UBR4: variants seen among roughly 807,000 people sequenced by gnomAD.
UBR4 encodes ubiquitin protein ligase E3 component n-recognin 4.
Under a neutral mutation model 575.6 loss-of-function variants are expected in UBR4, and 124 were observed. That is an observed-to-expected ratio of 0.22 (90% confidence interval 0.19 to 0.25). UBR4 has a LOEUF of 0.25. Among genes scored for constraint, UBR4 ranks in the 10% least tolerant of loss-of-function variants. The probability of loss-of-function intolerance (pLI) is 1.00; values close to 1 mark genes in which losing one functional copy is unlikely to be tolerated. For missense variants in UBR4, 4,818 were observed against 6,478.8 expected, an observed-to-expected ratio of 0.74 and a Z score of 8.80; for synonymous variants, 2,455 against 2,473.7, an observed-to-expected ratio of 0.99 and a Z score of 0.22.
intron 90 of UBR4, among the ~76,000 whole-genome samples, chr1:19,098,131 T>C (rs1215536661): frequency 1.3e-5 from 2 of 152,216 alleles, no homozygotes; most frequent in Non-Finnish European, 2.9e-5. Flanking sequence ...TATGCTGAGC[T>C]TCAGGACAGG....
At chr1:19,084,864 G>C (rs1443080737) in intron 101 of UBR4, among the ~76,000 whole-genome samples, 166 bp from the exon 102 acceptor site, 2 of 152,238 alleles carry the variant, frequency 1.3e-5, no homozygotes, top group African/African-American at 4.8e-5. Flanking sequence ...GGGCCAGCAG[G>C]ACGACAAGGC....
chr1:19,118,738 T>C, intron 71 of UBR4, 134 bp downstream of exon 71: 1 of 810,246 alleles, frequency 1.2e-6, no homozygotes, highest in Non-Finnish European at 2.0e-6. Flanking sequence ...TGGAGGGGAT[T>C]GGAATCTCAA....
intron 97 of UBR4, 57 bp downstream of exon 97, chr1:19,092,762 C>G: frequency 7.8e-6 from 11 of 1,412,618 alleles, no homozygotes; most frequent in Non-Finnish European, 1.1e-5. Flanking sequence ...TCAAGGTAAA[C>G]TAGGGTAGTT....
At chr1:19,168,318 G>C (rs2088862939) in intron 27 of UBR4, 134 bp from the exon 28 acceptor site, 1 of 766,166 alleles carries the variant, frequency 1.3e-6, no homozygotes, top group Admixed American at 3.9e-5. Flanking sequence ...AGTATACACT[G>C]TTATTCATGC....
chr1:19,102,413 T>G (rs997559783), intron 87 of UBR4, among the ~76,000 whole-genome samples: 17 of 150,102 alleles, frequency 1.1e-4, no homozygotes, highest in African/African-American at 4.2e-4. Context: ...GAATTAAAAT[T>G]AAAAAAAAAG....
At chr1:19,192,663 A>G in intron 9 of UBR4, 123 bp from the exon 10 acceptor site, 1 of 1,033,338 alleles carries the variant, frequency 9.7e-7, no homozygotes, top group Non-Finnish European at 1.5e-6. Flanking sequence ...GATACATTCC[A>G]TCGTACTTTC....
In UBR4 at chr1:19,139,261, C is replaced by G. The variant is rs1395696945; in HGVS notation, c.8594-41G>C. 1 of 1,534,604 alleles carries G rather than the reference C, an allele frequency of 6.5e-7. No homozygotes were observed. Among genetic ancestry groups the G allele is most frequent in the South Asian group, 1.3e-5 (1 of 79,828 alleles). Reference sequence around the variant, plus strand: ...GAGCTGTTACAGGTTAAAAAACAAACAAACAAACAAACAAACAAAAAACAA... The same window carrying G: ...GAGCTGTTACAGGTTAAAAAACAAAGAAACAAACAAACAAACAAAAAACAA... On this transcript the variant is annotated intron_variant, in intron 58 of 105. Coordinates refer to ENST00000375254, the MANE Select transcript of UBR4 (RefSeq NM_020765.3). The surrounding 1 kb of genome is among the most constrained non-coding windows in gnomAD (Gnocchi z 4.2).
At chr1:19,107,104 T>C (rs1239633571) in intron 81 of UBR4, 138 bp from the exon 82 acceptor site, 2 of 1,249,784 alleles carry the variant, frequency 1.6e-6, no homozygotes, top group Non-Finnish European at 2.2e-6. Flanking sequence ...GTATCTCTTA[T>C]GCCCAAATAT....
At chr1:19,129,152 C>T in intron 60 of UBR4, 78 bp from the exon 61 acceptor site, 1 of 1,222,848 alleles carries the variant, frequency 8.2e-7, no homozygotes, top group Non-Finnish European at 1.2e-6. Context: ...CCTCCCCAAC[C>T]CCACCCTGCT....
intron 27 of UBR4, 117 bp from the exon 28 acceptor site, chr1:19,168,301 T>C: frequency 2.0e-6 from 2 of 1,000,738 alleles, no homozygotes; most frequent in Non-Finnish European, 2.8e-6. Context: ...AACAATAGCC[T>C]CTACTCAGTA....
At chr1:19,208,897 C>G (rs1241711091) in intron 1 of UBR4, among the ~76,000 whole-genome samples, 3 of 152,146 alleles carry the variant, frequency 2.0e-5, no homozygotes, top group African/African-American at 7.2e-5. Flanking sequence ...CAAAAAGCAG[C>G]CACGTAATTT....
chr1:19,133,385 A>G (rs1370131528), intron 60 of UBR4, among the ~76,000 whole-genome samples: 1 of 152,188 alleles, frequency 6.6e-6, no homozygotes, highest in Admixed American at 6.5e-5. Flanking sequence ...ACTAGGAACA[A>G]AATCTCCTTA....
intron 49 of UBR4, chr1:19,149,671 A>C (rs2085373922): frequency 7.9e-6 from 9 of 1,140,170 alleles, no homozygotes; most frequent in Non-Finnish European, 1.0e-5. Context: ...ACTCTTCAAC[A>C]GAAGCAGAAT....
At chr1:19,081,251 A>G in intron 103 of UBR4, 98 bp downstream of exon 103, 1 of 1,094,332 alleles carries the variant, frequency 9.1e-7, no homozygotes, top group Middle Eastern at 3.1e-4. Context: ...CCGCAGTCAC[A>G]AAGCATGCCT....
intron 23 of UBR4, 38 bp from the exon 24 acceptor site, chr1:19,173,344 T>C: frequency 6.2e-7 from 1 of 1,612,700 alleles, no homozygotes; most frequent in Non-Finnish European, 8.5e-7. Flanking sequence ...AGGAGATGAC[T>C]ATAGGCAAAG....
intron 73 of UBR4, among the ~76,000 whole-genome samples, chr1:19,116,414 T>A (rs1234804741): frequency 2.6e-5 from 4 of 152,188 alleles, no homozygotes; most frequent in Non-Finnish European, 4.4e-5. Context: ...TACTTTCAGG[T>A]CACCAAGGTT....
In UBR4 at chr1:19,164,884, G is replaced by T. The variant is rs375823508; in HGVS notation, c.4426C>A (p.Pro1476Thr). The T allele has an allele frequency of 1.9e-6, 3 of 1,614,206 alleles. No homozygotes were observed. Among genetic ancestry groups the T allele is most frequent in the Non-Finnish European group, 2.5e-6 (3 of 1,180,032 alleles). Reference protein sequence around the residue: ...AWLTRMTTSPPKDSDQLDVIQ... With the variant: ...AWLTRMTTSPTKDSDQLDVIQ... ...ACATCCAGCTGATCAGAATCTTTTG[G>T]GGGCGATGTAGTCATGCGGGTGAGC... The change falls in exon 32 of 106, where the codon CCA (proline) becomes ACA (threonine). Residue 1476 changes from proline (P) to threonine (T), a missense_variant. By Grantham distance (38) the Pro-to-Thr change is conservative (BLOSUM62 -1). Coordinates refer to ENST00000375254, the MANE Select transcript of UBR4 (RefSeq NM_020765.3).
intron 11 of UBR4, 56 bp from the exon 12 acceptor site, chr1:19,187,596 C>T: frequency 6.4e-7 from 1 of 1,568,362 alleles, no homozygotes; most frequent in African/African-American, 1.4e-5. Flanking sequence ...TAAATTACAA[C>T]TTCTGAAGCA....
At position 19,141,476 on chromosome 1, in the gene UBR4, G is replaced by T; in HGVS notation, c.8359C>A (p.Pro2787Thr). 1 of 1,613,600 alleles carries T rather than the reference G, an allele frequency of 6.2e-7. No individual in the cohort carries two copies. The highest frequency in any genetic ancestry group is 1.3e-5 in the African/African-American group (1 of 75,062). ...GCCAGCAGGGCCTCCAGGGGAGAGG[G>T]GTTGCCATTGTTGACATTTTCAGCT... ...ETAENVNNGN[P>T]SPLEALLAGA... is the part of the protein sequence containing the mutation. Residue 2787 changes from proline to threonine, a missense_variant, in exon 57 of 106, where the codon CCC (proline) becomes ACC (threonine). Physicochemically the swap from Pro to Thr is conservative, Grantham distance 38. Around this residue, in one of 29 missense-constraint regions of UBR4, gnomAD observed 129 missense variants for 198.4 expected, o/e 0.65. Coordinates refer to ENST00000375254, the MANE Select transcript of UBR4 (RefSeq NM_020765.3).
Sources: gnomAD v4.1 joint callset for allele counts (sites outside exome capture counted in the v4.1 genomes callset) on GRCh38, gnomAD v4.1.1 for gene constraint, gnomAD v4.1.1 regional missense constraint, Gnocchi (gnomAD v3.1) non-coding constraint, MANE v1.5 for transcripts, NCBI Gene and HGNC (gene_info 2026-07-23, HGNC 2026-07-21) for gene names.